The following CREB1 variants were observed in gnomAD, a reference collection of about 807,000 sequenced individuals.
The protein encoded by CREB1 is cyclic AMP-responsive element-binding protein 1.
In CREB1, 2 loss-of-function variants were observed where a neutral mutation model predicts 42.0. The ratio of observed to expected loss-of-function variants is 0.05; its 90% CI spans 0.02 to 0.15. The LOEUF (loss-of-function observed/expected upper bound fraction) is 0.15, where lower values mean the gene tolerates loss of function less well. Among genes scored for constraint, CREB1 ranks in the 10% least tolerant of loss-of-function variants. The pLI, the probability that CREB1 is intolerant of heterozygous loss-of-function variation, is 1.00. For missense variants in CREB1, 199 were observed against 388.9 expected, an observed-to-expected ratio of 0.51 and a Z score of 4.11; for synonymous variants, 123 against 139.9, an observed-to-expected ratio of 0.88 and a Z score of 0.85.
intron 7 of CREB1, among the ~76,000 whole-genome samples, chr2:207,595,963 G>A (rs542309904): frequency 6.6e-6 from 1 of 152,150 alleles, no homozygotes; most frequent in South Asian, 2.1e-4. Context: ...CTTTCGATGT[G>A]CAGAAGTTTT....
intron 1 of CREB1, among the ~76,000 whole-genome samples, chr2:207,540,256 G>A (rs748785329): frequency 6.6e-6 from 1 of 152,188 alleles, no homozygotes; most frequent in Non-Finnish European, 1.5e-5. Context: ...ACATTCCAGT[G>A]GGACACGTTG....
rs1186634436 is a variant in CREB1 at position 207,605,413 on chromosome 2, T to C, written c.*8355T>C. ...TCATTGAAATTTTGTTGTTGGGTTC[T>C]GAGTTCCTTATATATTCTGGGTACT... On this transcript the variant is annotated 3_prime_UTR_variant, in exon 8 of 8. Coordinates refer to ENST00000353267, the MANE Select transcript of CREB1 (RefSeq NM_004379.5). Among the ~76,000 whole-genome samples the C allele has an allele frequency of 6.6e-6, 1 of 152,222 alleles. No individual in the cohort carries two copies. The highest frequency in any genetic ancestry group is 1.5e-5 in the Non-Finnish European group (1 of 68,034).
intron 1 of CREB1, among the ~76,000 whole-genome samples, chr2:207,552,622 T>G (rs2081553928): frequency 2.0e-5 from 3 of 151,172 alleles, no homozygotes; most frequent in Admixed American, 6.6e-5. Flanking sequence ...TTTTTTTTTT[T>G]GGTAAGACAG....
intron 4 of CREB1, 147 bp from the exon 5 acceptor site, chr2:207,570,032 C>T (rs537472177): frequency 3.8e-5 from 21 of 552,662 alleles, no homozygotes; most frequent in Admixed American, 3.7e-5. Flanking sequence ...CAGAGCAAGA[C>T]TCCATCTCAA....
chr2:207,530,964 C>T (rs1574732367), intron 1 of CREB1, among the ~76,000 whole-genome samples: 3 of 151,288 alleles, frequency 2.0e-5, no homozygotes, highest in Non-Finnish European at 2.9e-5. Flanking sequence ...CTCCCTCACC[C>T]CTTTGCTTTT....
rs2087343912 is a variant in CREB1 at position 207,602,942 on chromosome 2, T to C, written c.*5884T>C. 4.6e-6 allele frequency: 1 copy of C among 215,642 alleles called. No homozygotes were observed. Among genetic ancestry groups the C allele is most frequent in the Non-Finnish European group, 9.3e-6 (1 of 107,054 alleles). The allele number at this position is 215,642 out of a possible 1,614,324, so 13.4% of individuals were successfully genotyped here. ...AACCCAGATGTATCACTTGAAACTT[T>C]TTAGAAGCAAAATAATCAGGGAAGT... On this transcript the variant is annotated 3_prime_UTR_variant, in exon 8 of 8. Transcript: ENST00000353267.
chr2:207,588,957 T>A (rs2084445843), intron 7 of CREB1, among the ~76,000 whole-genome samples: 3 of 152,128 alleles, frequency 2.0e-5, no homozygotes, highest in Non-Finnish European at 4.4e-5. Flanking sequence ...ATGGACAGTT[T>A]TAATTATTTC....
Position 207,600,427 on chromosome 2 carries a change from T to C in CREB1, c.*3369T>C. ...TCCAGCACTCATGATTGATTTTATC[T>C]TCTAATTTTCTTCCAAGTATTTTAT... On this transcript the variant is annotated 3_prime_UTR_variant, in exon 8 of 8. Coordinates refer to ENST00000353267, the MANE Select transcript of CREB1 (RefSeq NM_004379.5). 5.2e-6 allele frequency: 1 copy of C among 194,094 alleles called. No homozygotes were observed. Among genetic ancestry groups the C allele is most frequent in the African/African-American group, 2.3e-5 (1 of 43,342 alleles). 12.0% of individuals were successfully genotyped at this position (194,094 alleles called of 1,614,324 possible).
intron 5 of CREB1, among the ~76,000 whole-genome samples, chr2:207,571,019 TCCC>T (rs374663527): frequency 2.5e-5 from 3 of 120,076 alleles, no homozygotes; most frequent in Admixed American, 2.1e-4. Flanking sequence ...TTTCTCTTTT[TCCC>T]TTTTTTTTTT....
At chr2:207,546,311 T>C in intron 1 of CREB1, among the ~76,000 whole-genome samples, 1 of 152,216 alleles carries the variant, frequency 6.6e-6, no homozygotes, top group East Asian at 1.9e-4. Flanking sequence ...AAGCAAGTCT[T>C]TTATCAAAAC....
intron 7 of CREB1, chr2:207,581,793 C>A: frequency 1.4e-6 from 1 of 692,676 alleles, no homozygotes; most frequent in Non-Finnish European, 2.6e-6. Context: ...TTTTTACTTA[C>A]ATAATCCAGT....
intron 7 of CREB1, chr2:207,581,975 G>A (rs1289570286): frequency 2.9e-6 from 2 of 701,698 alleles, no homozygotes; most frequent in South Asian, 1.5e-5. Flanking sequence ...AATAGGTTTT[G>A]GGGAGGAATT....
chr2:207,548,750 C>T (rs1049325884), intron 1 of CREB1, among the ~76,000 whole-genome samples: 17 of 151,996 alleles, frequency 1.1e-4, no homozygotes, highest in African/African-American at 3.9e-4. Flanking sequence ...ACTCTGTCCC[C>T]GCCTGCCTCC....
At chr2:207,596,874 A>T in intron 7 of CREB1, 40 bp from the exon 8 acceptor site, 1 of 1,581,200 alleles carries the variant, frequency 6.3e-7, no homozygotes, top group South Asian at 1.2e-5. Context: ...AATATGTGGA[A>T]ATCATTTGCA....
chr2:207,582,609 A>G (rs1383099260), intron 7 of CREB1, among the ~76,000 whole-genome samples: 1 of 152,086 alleles, frequency 6.6e-6, no homozygotes, highest in Non-Finnish European at 1.5e-5. Context: ...TGAGACTACA[A>G]GATTGTCCAG....
At chr2:207,565,040 T>C in intron 3 of CREB1, among the ~76,000 whole-genome samples, 1 of 104,302 alleles carries the variant, frequency 9.6e-6, no homozygotes, top group Non-Finnish European at 2.3e-5. Context: ...TCCAGTATGT[T>C]TTTTTTTTTT....
In CREB1 at chr2:207,604,403, T is replaced by A. The variant is rs1014095317; in HGVS notation, c.*7345T>A. ...CTCGTAAGTGGTGCCACTATCCATC[T>A]GTTAAATTGTTTAGGGGAAACCTAG... On this transcript the variant is annotated 3_prime_UTR_variant, in exon 8 of 8. Coordinates refer to ENST00000353267, the MANE Select transcript of CREB1 (RefSeq NM_004379.5). Among the ~76,000 whole-genome samples the A allele has an allele frequency of 5.3e-5, 8 of 152,218 alleles. No individual in the cohort carries two copies. Among genetic ancestry groups the A allele is most frequent in the Non-Finnish European group, 1.2e-4 (8 of 68,046 alleles).
chr2:207,603,009 G>T lies in CREB1; in HGVS notation c.*5951G>T. On this transcript the variant is annotated 3_prime_UTR_variant, in exon 8 of 8. Transcript: ENST00000353267. ...GGCTTTTTGGTTTTTGAGGGTTGGGGTAAAGAAGACTTCCCCCACAACTGT... is the reference window on the plus strand; with the variant it reads ...GGCTTTTTGGTTTTTGAGGGTTGGGTTAAAGAAGACTTCCCCCACAACTGT... 9.3e-6 allele frequency: 2 copies of T among 214,040 alleles called. No individual in the cohort carries two copies. The highest frequency in any genetic ancestry group is 9.4e-6 in the Non-Finnish European group (1 of 105,834). The allele number at this position is 214,040 out of a possible 1,614,324, so 13.3% of individuals were successfully genotyped here. A position where few individuals can be genotyped will look rare whatever the true frequency, so the allele number is the denominator to read the frequency against.
In CREB1 at chr2:207,603,040, C is replaced by T. The variant is rs1439127569; in HGVS notation, c.*5982C>T. On this transcript the variant is annotated 3_prime_UTR_variant, in exon 8 of 8. Transcript: ENST00000353267. ...AAGACTTCCCCCACAACTGTCAGCACAAAACAGGGTATTGATTTTTAACTC... is the reference window on the plus strand; with the variant it reads ...AAGACTTCCCCCACAACTGTCAGCATAAAACAGGGTATTGATTTTTAACTC... 4.7e-6 allele frequency: 1 copy of T among 213,808 alleles called. No homozygotes were observed. Among genetic ancestry groups the T allele is most frequent in the Non-Finnish European group, 9.4e-6 (1 of 105,984 alleles). The allele number at this position is 213,808 out of a possible 1,614,324, so 13.2% of individuals were successfully genotyped here.
Sources: allele counts gnomAD v4.1 joint callset (sites outside exome capture counted in the v4.1 genomes callset), GRCh38; gene constraint gnomAD v4.1.1; transcripts MANE v1.5; gene names NCBI Gene and HGNC (gene_info 2026-07-23, HGNC 2026-07-21).